PXDNL: variants seen among roughly 807,000 people sequenced by gnomAD.
PXDNL encodes the protein probable oxidoreductase PXDNL.
A neutral mutation model predicts 150.8 loss-of-function variants in PXDNL; 145 were observed. That is an observed-to-expected ratio of 0.96 (90% CI 0.84 to 1.10). The LOEUF is 1.10. PXDNL is among the 50% of genes least tolerant of loss of function. PXDNL has a pLI of 0.00. For synonymous variants in PXDNL, 757 were observed against 725.7 expected, an observed-to-expected ratio of 1.04 and a Z score of -0.69; for missense variants, 2,087 against 1,873.9, an observed-to-expected ratio of 1.11 and a Z score of -2.10.
In PXDNL at chr8:51,625,300, G is replaced by A. The variant is rs558005531; in HGVS notation, c.236+29389C>T. Among the ~76,000 whole-genome samples the A allele has an allele frequency of 1.9e-3, 296 of 152,198 alleles. 1 individual carries two copies. Among genetic ancestry groups the A allele is most frequent in the South Asian group, 6.0e-3 (29 of 4,820 alleles). ...CTCTTTCTTCAATAGAGAAAAAAGCGATGTATGATTTTAAAATATTACTCT... is the reference window on the plus strand; with the variant it reads ...CTCTTTCTTCAATAGAGAAAAAAGCAATGTATGATTTTAAAATATTACTCT... On this transcript the variant is annotated intron_variant, in intron 2 of 22. Transcript: ENST00000356297.
In PXDNL at chr8:51,660,525, T is replaced by A. The variant is rs565863941; in HGVS notation, c.165-5765A>T. ...TTCAGAGAGTGCCGTCTTACCAGACTGATTTCTGTTTGCGTGTGGTACTTG... is the reference window on the plus strand; with the variant it reads ...TTCAGAGAGTGCCGTCTTACCAGACAGATTTCTGTTTGCGTGTGGTACTTG... On this transcript the variant is annotated intron_variant, in intron 1 of 22. Coordinates refer to ENST00000356297, the MANE Select transcript of PXDNL (RefSeq NM_144651.5). 2.0e-5 allele frequency among the ~76,000 whole-genome samples: 3 copies of A among 152,322 alleles called. No homozygotes were observed. In the South Asian group the frequency reaches 6.2e-4, roughly 32 times the overall value.
chr8:51,454,735 A>G (rs1433536287), intron 9 of PXDNL, among the ~76,000 whole-genome samples: 1 of 152,224 alleles, frequency 6.6e-6, no homozygotes, highest in African/African-American at 2.4e-5. Flanking sequence ...TGTTTAATTT[A>G]ATTCCTAACA....
At chr8:51,731,064 C>A (rs1199380091) in intron 1 of PXDNL, among the ~76,000 whole-genome samples, 1 of 152,176 alleles carries the variant, frequency 6.6e-6, no homozygotes, top group Non-Finnish European at 1.5e-5. Context: ...CAAAACCAAT[C>A]ATGCCTTCCC....
intron 1 of PXDNL, among the ~76,000 whole-genome samples, chr8:51,755,369 A>G (rs927340789): frequency 1.3e-5 from 2 of 151,128 alleles, no homozygotes; most frequent in Non-Finnish European, 2.9e-5. Flanking sequence ...ATGTTGGCTC[A>G]CTGCAATCCC....
At chr8:51,559,261 T>C (rs946194449) in intron 3 of PXDNL, among the ~76,000 whole-genome samples, 46 of 150,556 alleles carry the variant, frequency 3.1e-4, no homozygotes, top group South Asian at 4.2e-4. Flanking sequence ...GAGGAAGGGG[T>C]CAGAGAGCAG....
chr8:51,807,084 T>C (rs541995885), intron 1 of PXDNL, among the ~76,000 whole-genome samples: 2 of 152,296 alleles, frequency 1.3e-5, no homozygotes, highest in Admixed American at 6.5e-5. Flanking sequence ...AGATAACCAA[T>C]AGGGTGAAGA....
chr8:51,700,759 CACACACATAT>C, intron 1 of PXDNL, among the ~76,000 whole-genome samples: 1 of 151,776 alleles, frequency 6.6e-6, no homozygotes, highest in Non-Finnish European at 1.5e-5. Flanking sequence ...TACTCATACG[CACACACATAT>C]ACACACATAC....
rs979285429 is a variant in PXDNL, at chr8:51,409,298, G to C, written c.2326C>G (p.Pro776Ala). ...GLGLPVGSRQ[P>A]LPPPRLVATV... The stretch of plus-strand genomic sequence containing the variant: ...GCGACCAGCCGGGGCGGCGGGAGGG[G>C]CTGGCGGGAGCCCACAGGAAGGCCG... Residue 776 changes from proline (P) to alanine (A), a missense_variant, in exon 17 of 23, where the codon CCC becomes GCC. Coordinates refer to ENST00000356297, the MANE Select transcript of PXDNL (RefSeq NM_144651.5). 5 of 1,421,406 alleles carry C rather than the reference G, an allele frequency of 3.5e-6. No individual in the cohort carries two copies. The African/African-American group carries it at 6.0e-5, about 17-fold the overall frequency. 88.0% of individuals were successfully genotyped at this position (1,421,406 alleles called of 1,614,324 possible).
At chr8:51,622,333 C>T (rs1175846806) in intron 2 of PXDNL, among the ~76,000 whole-genome samples, 1 of 152,146 alleles carries the variant, frequency 6.6e-6, no homozygotes, top group Non-Finnish European at 1.5e-5. Context: ...TTGAAGCTGC[C>T]AGACTTTGAG....
At chr8:51,365,073 T>A (rs1338515175) in intron 19 of PXDNL, among the ~76,000 whole-genome samples, 1 of 152,198 alleles carries the variant, frequency 6.6e-6, no homozygotes, top group Non-Finnish European at 1.5e-5. Flanking sequence ...CCCAAGTAGC[T>A]GGGATTACAG....
At chr8:51,705,222 C>T (rs966719130) in intron 1 of PXDNL, among the ~76,000 whole-genome samples, 2 of 152,146 alleles carry the variant, frequency 1.3e-5, no homozygotes, top group African/African-American at 4.8e-5. Flanking sequence ...CTCTAGGAGA[C>T]CTCTGCCCCA....
intron 6 of PXDNL, among the ~76,000 whole-genome samples, chr8:51,480,042 C>G (rs1449266187): frequency 6.6e-6 from 1 of 152,132 alleles, no homozygotes; most frequent in African/African-American, 2.4e-5. Context: ...GGGTGAAATG[C>G]CTCCTTGATT....
chr8:51,386,141 A>G (rs1302042045), intron 17 of PXDNL, among the ~76,000 whole-genome samples: 1 of 151,552 alleles, frequency 6.6e-6, no homozygotes, highest in Non-Finnish European at 1.5e-5. Context: ...CACCCAGGCT[A>G]GAGTGCAGTG....
intron 3 of PXDNL, among the ~76,000 whole-genome samples, chr8:51,577,989 A>AG (rs1813109555): frequency 3.0e-5 from 2 of 67,670 alleles, no homozygotes; most frequent in African/African-American, 1.1e-4. Flanking sequence ...GAAAGAAAGA[A>AG]AGAAAGAAAG....
intron 1 of PXDNL, among the ~76,000 whole-genome samples, chr8:51,667,790 C>T (rs1815416261): frequency 6.6e-6 from 1 of 152,178 alleles, no homozygotes; most frequent in African/African-American, 2.4e-5. Context: ...TTTTCTAAAT[C>T]TGTTTGCACT....
chr8:51,402,277 C>T lies in PXDNL; in HGVS notation c.3557+5790G>A, dbSNP rs189890139. ...GGGCACGATGGCTCACATCTGTAAT[C>T]CCAGTACTTTGGGAGGCTGAAGCAG... On this transcript the variant is annotated intron_variant, in intron 17 of 22. Coordinates refer to ENST00000356297, the MANE Select transcript of PXDNL (RefSeq NM_144651.5). 1.4e-3 allele frequency among the ~76,000 whole-genome samples: 210 copies of T among 152,242 alleles called. 1 individual carries two copies. Among genetic ancestry groups the T allele is most frequent in the Non-Finnish European group, 2.4e-3 (165 of 68,032 alleles).
rs921177171 is a variant in PXDNL at position 51,487,039 on chromosome 8, C to T, written c.453-3325G>A. On this transcript the variant is annotated intron_variant, in intron 5 of 22. Transcript: ENST00000356297. The stretch of plus-strand genomic sequence containing the variant: ...CCATCTCTTGACCTCGTGATCGGCC[C>T]GCCCCGGCTTCCCAAAGTGCTGGGA... 4.6e-5 allele frequency among the ~76,000 whole-genome samples: 7 copies of T among 151,578 alleles called. No individual in the cohort carries two copies. In the East Asian group the frequency reaches 7.8e-4, roughly 17 times the overall value.
chr8:51,705,895 TCATAATTTA>T (rs1449846004), intron 1 of PXDNL, among the ~76,000 whole-genome samples: 1 of 152,176 alleles, frequency 6.6e-6, no homozygotes, highest in African/African-American at 2.4e-5. Flanking sequence ...ACAAAGATAT[TCATAATTTA>T]CATTTATTTA....
chr8:51,541,485 C>T (rs542193040), intron 4 of PXDNL, among the ~76,000 whole-genome samples: 1 of 150,210 alleles, frequency 6.7e-6, no homozygotes, highest in Non-Finnish European at 1.5e-5. Context: ...GTATTCCCCA[C>T]CCTGAGTGAT....
Sources: gnomAD v4.1 joint callset for allele counts (sites outside exome capture counted in the v4.1 genomes callset) on GRCh38, gnomAD v4.1.1 for gene constraint, MANE v1.5 for transcripts, NCBI Gene and HGNC (gene_info 2026-07-23, HGNC 2026-07-21) for gene names.